The following YTHDF2 variants were observed in gnomAD, a reference collection of about 807,000 sequenced individuals.
YTHDF2 encodes the protein YTH domain-containing family protein 2.
A neutral mutation model predicts 50.4 loss-of-function variants in YTHDF2; 2 were observed. That is an observed-to-expected ratio of 0.04 (90% confidence interval 0.02 to 0.12). The LOEUF (loss-of-function observed/expected upper bound fraction) is 0.12, where lower values mean the gene tolerates loss of function less well. Among genes scored for constraint, YTHDF2 ranks in the 10% least tolerant of loss-of-function variants. The probability of loss-of-function intolerance (pLI) is 1.00; values close to 1 mark genes in which losing one functional copy is unlikely to be tolerated. For missense variants in YTHDF2, 483 were observed against 722.6 expected, an observed-to-expected ratio of 0.67 and a Z score of 3.80; for synonymous variants, 217 against 255.6, an observed-to-expected ratio of 0.85 and a Z score of 1.44.
chr1:28,738,569 C>T (rs1372526549), intron 3 of YTHDF2, among the ~76,000 whole-genome samples: 4 of 152,154 alleles, frequency 2.6e-5, no homozygotes, highest in East Asian at 3.8e-4. Context: ...CTCAGCCTCC[C>T]GAGTAGGTGG....
intron 4 of YTHDF2, among the ~76,000 whole-genome samples, chr1:28,759,338 C>G (rs1018033844): frequency 2.6e-5 from 4 of 152,174 alleles, no homozygotes; most frequent in Non-Finnish European, 5.9e-5. Flanking sequence ...GGAAAATCCT[C>G]TGAGCCTAAA....
At chr1:28,762,360 C>T (rs1396933366) in intron 4 of YTHDF2, among the ~76,000 whole-genome samples, 2 of 152,160 alleles carry the variant, frequency 1.3e-5, no homozygotes, top group Admixed American at 1.3e-4. Context: ...CCACGGCACT[C>T]CAGTCTGGGC....
At position 28,758,546 on chromosome 1, in the gene YTHDF2, G is replaced by C. The variant is rs78814556; in HGVS notation, c.1717-10383G>C. ...GGAATGAATTAGATCTACTCTACATGACCTCCATGACCATTTGCTGAAGGT... is the reference window on the plus strand; with the variant it reads ...GGAATGAATTAGATCTACTCTACATCACCTCCATGACCATTTGCTGAAGGT... On this transcript the variant is annotated intron_variant, in intron 4 of 4. Transcript: ENST00000373812. Among the ~76,000 whole-genome samples the C allele has an allele frequency of 2.6e-3, 392 of 152,232 alleles. 2 individuals are homozygous for C. Among genetic ancestry groups the C allele is most frequent in the African/African-American group, 8.4e-3 (350 of 41,530 alleles).
intron 4 of YTHDF2, among the ~76,000 whole-genome samples, chr1:28,749,986 G>GTTTT (rs371730633): frequency 0.025 from 1,956 of 77,930 alleles, 25 homozygotes; most frequent in Non-Finnish European, 0.029. Flanking sequence ...AAAAAAGGTT[G>GTTTT]TTTTTTTTTT....
chr1:28,743,580 A>C lies in YTHDF2; in HGVS notation c.1310A>C (p.His437Pro), dbSNP rs2087812135. Residue 437 changes from histidine to proline, a missense_variant, in exon 4 of 5, where the codon CAT (histidine) becomes CCT (proline). Around this residue, in one of 4 missense-constraint regions of YTHDF2, gnomAD observed 59 missense variants for 168.9 expected, o/e 0.35. Transcript: ENST00000373812. The surrounding 1 kb of genome is among the most constrained non-coding windows in gnomAD (Gnocchi z 6.9). ...IKYNIWCSTE[H>P]GNKRLDAAYR... ...TATAATATTTGGTGCAGCACAGAGC[A>C]TGGTAACAAGAGACTGGATGCTGCT... The C allele has an allele frequency of 6.2e-7, 1 of 1,614,092 alleles. No individual in the cohort carries two copies. The highest frequency in any genetic ancestry group is 8.5e-7 in the Non-Finnish European group (1 of 1,180,042).
At chr1:28,753,887 A>C (rs2087997544) in intron 4 of YTHDF2, among the ~76,000 whole-genome samples, 1 of 151,672 alleles carries the variant, frequency 6.6e-6, no homozygotes, top group Admixed American at 6.6e-5. Context: ...TTGTATTTTT[A>C]GTGGTGACAG....
intron 3 of YTHDF2, among the ~76,000 whole-genome samples, chr1:28,739,678 A>G (rs1315995040): frequency 1.3e-5 from 2 of 152,180 alleles, no homozygotes; most frequent in African/African-American, 2.4e-5. Context: ...GAGGTGTAGG[A>G]TTTATAAAAT....
intron 4 of YTHDF2, among the ~76,000 whole-genome samples, chr1:28,745,513 C>G (rs900856805): frequency 6.6e-6 from 1 of 151,878 alleles, no homozygotes; most frequent in African/African-American, 2.4e-5. Flanking sequence ...GTGGGCAGAT[C>G]ACCTGAGGTC....
chr1:28,757,449 G>A (rs1187336925), intron 4 of YTHDF2, among the ~76,000 whole-genome samples: 1 of 152,140 alleles, frequency 6.6e-6, no homozygotes, highest in Non-Finnish European at 1.5e-5. Flanking sequence ...CAACTCATTT[G>A]CACTTGGTAT....
chr1:28,741,769 C>T lies in YTHDF2; in HGVS notation c.133-634C>T, dbSNP rs971227615. Among the ~76,000 whole-genome samples, 8 of 152,184 alleles carry T rather than the reference C, an allele frequency of 5.3e-5. No individual in the cohort carries two copies. The South Asian group carries it at 1.4e-3, about 28-fold the overall frequency. On this transcript the variant is annotated intron_variant, in intron 3 of 4. Transcript: ENST00000373812. The stretch of plus-strand genomic sequence containing the variant: ...AGGAACGGCTGTACAGACATTTGGG[C>T]TAGAACTTGAAATTTCCATTTCTTT...
rs2087815531 is a variant in YTHDF2 at position 28,743,807 on chromosome 1, A to G, written c.1537A>G (p.Ile513Val). 1.9e-6 allele frequency: 3 copies of G among 1,613,706 alleles called. No individual in the cohort carries two copies. Among genetic ancestry groups the G allele is most frequent in the Non-Finnish European group, 1.7e-6 (2 of 1,179,808 alleles). ...KDVPNSQLRH[I>V]RLENNENKPV... is the part of the protein sequence containing the mutation. ...CGTTCCCAATAGCCAACTGCGACAC[A>G]TTCGCCTAGAGAACAACGAGAATAA... Residue 513 changes from isoleucine (I) to valine (V), a missense_variant, in exon 4 of 5, where the codon ATT (isoleucine) becomes GTT (valine). Transcript: ENST00000373812. This position sits in a 1 kb window ranked among gnomAD's most constrained non-coding sequence, Gnocchi z 6.9.
chr1:28,757,413 CAG>C (rs1351361580), intron 4 of YTHDF2, among the ~76,000 whole-genome samples: 1 of 139,480 alleles, frequency 7.2e-6, no homozygotes, highest in East Asian at 2.0e-4. Flanking sequence ...TGGGAAGGGA[CAG>C]GGGCTGGCAG....
chr1:28,765,838 T>C (rs1288840342), intron 4 of YTHDF2, among the ~76,000 whole-genome samples: 1 of 152,222 alleles, frequency 6.6e-6, no homozygotes, highest in Non-Finnish European at 1.5e-5. Flanking sequence ...TATAATGTTT[T>C]CCTGAGCCAG....
chr1:28,765,911 C>T (rs1261288134), intron 4 of YTHDF2, among the ~76,000 whole-genome samples: 1 of 152,132 alleles, frequency 6.6e-6, no homozygotes, highest in Non-Finnish European at 1.5e-5. Flanking sequence ...TTCCCAAGAA[C>T]AAAGACATGC....
At chr1:28,747,769 C>T (rs1314732878) in intron 4 of YTHDF2, among the ~76,000 whole-genome samples, 3 of 151,426 alleles carry the variant, frequency 2.0e-5, no homozygotes, top group Non-Finnish European at 4.4e-5. Context: ...GTGAGCAAAC[C>T]ACCAAATAAA....
intron 4 of YTHDF2, among the ~76,000 whole-genome samples, chr1:28,765,975 G>A (rs1189711901): frequency 1.3e-5 from 2 of 152,206 alleles, no homozygotes; most frequent in African/African-American, 4.8e-5. Flanking sequence ...TTGACACAAT[G>A]TTGTTACCCA....
At chr1:28,761,662 G>A (rs1048811729) in intron 4 of YTHDF2, among the ~76,000 whole-genome samples, 2 of 152,054 alleles carry the variant, frequency 1.3e-5, no homozygotes, top group Non-Finnish European at 2.9e-5. Context: ...GCTTGAACCC[G>A]GGAAGTGGAG....
chr1:28,759,725 G>A (rs1351111540), intron 4 of YTHDF2, among the ~76,000 whole-genome samples: 1 of 152,080 alleles, frequency 6.6e-6, no homozygotes, highest in Non-Finnish European at 1.5e-5. Flanking sequence ...GGAGGCTGAG[G>A]CGGGTGGATT....
At chr1:28,745,678 T>C (rs2087846522) in intron 4 of YTHDF2, among the ~76,000 whole-genome samples, 1 of 144,586 alleles carries the variant, frequency 6.9e-6, no homozygotes, top group South Asian at 2.2e-4. Flanking sequence ...TGAGCCGAGA[T>C]CGTGCTCTAG....
Sources: allele counts gnomAD v4.1 joint callset (sites outside exome capture counted in the v4.1 genomes callset), GRCh38; gene constraint gnomAD v4.1.1; regional missense constraint gnomAD v4.1.1; non-coding constraint Gnocchi (gnomAD v3.1); transcripts MANE v1.5; gene names NCBI Gene and HGNC (gene_info 2026-07-23, HGNC 2026-07-21).